GSTCD: variants seen among roughly 807,000 people sequenced by gnomAD.
GSTCD encodes glutathione S-transferase C-terminal domain-containing protein.
GSTCD carries 44 observed loss-of-function variants against 68.3 expected under a neutral mutation model. The observed-to-expected ratio is 0.64, with a 90% CI of 0.51 to 0.83. The LOEUF is 0.83. GSTCD is among the 40% of genes least tolerant of loss of function. The pLI is 0.00. For missense variants in GSTCD, 739 were observed against 735.9 expected, an observed-to-expected ratio of 1.00 and a Z score of -0.05; for synonymous variants, 273 against 255.2, an observed-to-expected ratio of 1.07 and a Z score of -0.67.
intron 5 of GSTCD, among the ~76,000 whole-genome samples, chr4:105,800,577 A>T (rs1736068659): frequency 6.6e-6 from 1 of 152,228 alleles, no homozygotes; most frequent in Non-Finnish European, 1.5e-5. Context: ...AAGCAAAATG[A>T]TGGATTTTAT....
At chr4:105,785,818 A>G (rs561446244) in intron 5 of GSTCD, among the ~76,000 whole-genome samples, 57 of 152,296 alleles carry the variant, frequency 3.7e-4, no homozygotes, top group Middle Eastern at 3.4e-3. Context: ...AACTATCTCT[A>G]TTTGCAGATA....
At chr4:105,821,013 A>G (rs1723260340) in intron 5 of GSTCD, 1 of 151,842 alleles carries the variant, frequency 6.6e-6, no homozygotes, top group Non-Finnish European at 1.5e-5. Context: ...CTGTTAAGAA[A>G]TCTACAAACA....
intron 5 of GSTCD, among the ~76,000 whole-genome samples, chr4:105,750,206 G>C (rs1224055702): frequency 6.6e-6 from 1 of 152,196 alleles, no homozygotes; most frequent in East Asian, 1.9e-4. Flanking sequence ...GCTCACGCCT[G>C]TAATCCCAGC....
intron 5 of GSTCD, among the ~76,000 whole-genome samples, chr4:105,811,488 T>C (rs1438548847): frequency 1.6e-5 from 2 of 126,798 alleles, no homozygotes; most frequent in Admixed American, 1.9e-4. Context: ...AGTCTCAATG[T>C]TAAAAATCTA....
At chr4:105,833,734 G>C (rs1286158183) in intron 8 of GSTCD, among the ~76,000 whole-genome samples, 4 of 152,034 alleles carry the variant, frequency 2.6e-5, no homozygotes, top group Admixed American at 6.6e-5. Flanking sequence ...CTCATTTGTA[G>C]TAAGATTATA....
At chr4:105,711,537 A>C (rs1732536928) in intron 1 of GSTCD, among the ~76,000 whole-genome samples, 1 of 152,224 alleles carries the variant, frequency 6.6e-6, no homozygotes. Flanking sequence ...TAATAGTGCC[A>C]GTTGATAAGG....
intron 5 of GSTCD, among the ~76,000 whole-genome samples, chr4:105,797,760 CTT>C (rs70941218): frequency 2.2e-4 from 19 of 84,942 alleles, no homozygotes; most frequent in Admixed American, 8.1e-4. Flanking sequence ...CACAATAGAA[CTT>C]TTTTTTTTTT....
intron 3 of GSTCD, among the ~76,000 whole-genome samples, chr4:105,722,854 A>T (rs987373306): frequency 6.6e-6 from 1 of 151,662 alleles, no homozygotes; most frequent in Non-Finnish European, 1.5e-5. Context: ...TTTGGTAATC[A>T]TTCCTTATGA....
At chr4:105,722,736 CT>C (rs1333096203) in intron 3 of GSTCD, among the ~76,000 whole-genome samples, 7 of 149,474 alleles carry the variant, frequency 4.7e-5, no homozygotes, top group Non-Finnish European at 8.9e-5. Context: ...GATAGCTATG[CT>C]TTTTTTTTAA....
chr4:105,827,721 A>G lies in GSTCD; in HGVS notation c.1530+1921A>G, dbSNP rs192131256. Reference sequence around the variant, plus strand: ...GATATTGGAAATGCATTAAAACTGCATAAATTCATGGTTTTGTGACATTTC... The same window carrying G: ...GATATTGGAAATGCATTAAAACTGCGTAAATTCATGGTTTTGTGACATTTC... On this transcript the variant is annotated intron_variant, in intron 8 of 11. Transcript: ENST00000515279. Among the ~76,000 whole-genome samples, 29 of 152,310 alleles carry G rather than the reference A, an allele frequency of 1.9e-4. No individual in the cohort carries two copies. In the South Asian group the frequency reaches 3.3e-3, roughly 17 times the overall value.
chr4:105,715,899 T>C (rs1244305738), intron 1 of GSTCD, among the ~76,000 whole-genome samples: 7 of 152,136 alleles, frequency 4.6e-5, no homozygotes, highest in African/African-American at 1.7e-4. Context: ...TTTGGAATTG[T>C]AATTTATGTA....
At chr4:105,828,170 A>G (rs1011083450) in intron 8 of GSTCD, among the ~76,000 whole-genome samples, 8 of 152,130 alleles carry the variant, frequency 5.3e-5, no homozygotes, top group African/African-American at 1.9e-4. Flanking sequence ...GTATATGAAA[A>G]TCTCAAAACA....
Position 105,845,504 on chromosome 4 carries a change from C to T in GSTCD, c.1829C>T (p.Ser610Phe), listed in dbSNP as rs1215862023. The change falls in exon 12 of 12, where the codon TCC becomes TTC. Residue 610 changes from serine (S) to phenylalanine (F), a missense_variant. Coordinates refer to ENST00000515279, the MANE Select transcript of GSTCD (RefSeq NM_001370181.1). ...RARAAEECGY[S>F]VQVISMEPES... ...AGAGCTGCAGAAGAATGTGGATACT[C>T]CGTTCAAGTGATATCCATGGAGCCA... 6.2e-7 allele frequency: 1 copy of T among 1,613,872 alleles called. No individual in the cohort carries two copies.
intron 5 of GSTCD, among the ~76,000 whole-genome samples, chr4:105,798,632 G>A (rs1455361390): frequency 6.6e-6 from 1 of 152,048 alleles, no homozygotes; most frequent in African/African-American, 2.4e-5. Flanking sequence ...GTGACCAAAT[G>A]CATTGTCAAT....
chr4:105,808,741 T>A (rs1469136137), intron 5 of GSTCD, among the ~76,000 whole-genome samples: 4 of 152,056 alleles, frequency 2.6e-5, no homozygotes, highest in African/African-American at 9.7e-5. Flanking sequence ...AATGAAAAAT[T>A]CCAGAAATAA....
intron 5 of GSTCD, among the ~76,000 whole-genome samples, chr4:105,804,538 T>C (rs1026167699): frequency 6.6e-6 from 1 of 152,120 alleles, no homozygotes; most frequent in Non-Finnish European, 1.5e-5. Context: ...CCTGAGGGTG[T>C]TGTAGAAATT....
chr4:105,726,464 C>T, intron 3 of GSTCD, 115 bp from the exon 4 acceptor site: 2 of 661,948 alleles, frequency 3.0e-6, no homozygotes, highest in African/African-American at 1.8e-5. Context: ...TACTACAACT[C>T]ATTGTTTGAA....
intron 10 of GSTCD, among the ~76,000 whole-genome samples, chr4:105,839,040 A>G (rs1020375595): frequency 1.3e-5 from 2 of 152,078 alleles, no homozygotes; most frequent in Non-Finnish European, 2.9e-5. Context: ...TTATAACTCA[A>G]ATGCCCACTT....
chr4:105,804,943 C>G (rs1228748826), intron 5 of GSTCD, among the ~76,000 whole-genome samples: 2 of 152,024 alleles, frequency 1.3e-5, no homozygotes, highest in East Asian at 3.9e-4. Context: ...GCTTGCAGTT[C>G]CATCCATGTC....
Sources: allele counts gnomAD v4.1 joint callset (sites outside exome capture counted in the v4.1 genomes callset), GRCh38; gene constraint gnomAD v4.1.1; transcripts MANE v1.5; gene names NCBI Gene and HGNC (gene_info 2026-07-23, HGNC 2026-07-21).